PKIG: variants seen among roughly 807,000 people sequenced by gnomAD.
PKIG encodes cAMP-dependent protein kinase inhibitor gamma.
PKIG carries 1 observed loss-of-function variant against 6.8 expected under a neutral mutation model. The ratio of observed to expected loss-of-function variants is 0.15; its 90% confidence interval spans 0.05 to 0.69. PKIG has a LOEUF of 0.69. PKIG is among the 30% of genes least tolerant of loss of function. The pLI is 0.82. For synonymous variants in PKIG, 39 were observed against 43.0 expected (o/e 0.91, Z 0.36); for missense variants, 77 against 104.0 (o/e 0.74, Z 1.13).
chr20:44,573,144 C>T (rs964885077), intron 1 of PKIG, among the ~76,000 whole-genome samples: 1 of 152,256 alleles, frequency 6.6e-6, no homozygotes, highest in African/African-American at 2.4e-5. Context: ...AACTCATCTG[C>T]TCTGTGCCAG....
chr20:44,551,734 G>A (rs2064670627), intron 1 of PKIG, among the ~76,000 whole-genome samples: 1 of 152,196 alleles, frequency 6.6e-6, no homozygotes, highest in South Asian at 2.1e-4. Context: ...AGGAGCTATA[G>A]GTTAAATTAA....
In PKIG at chr20:44,607,359, GTA is replaced by G. The variant is rs1265371034; in HGVS notation, c.-23-7157_-23-7156del. Among the ~76,000 whole-genome samples the G allele has an allele frequency of 6.6e-3, 852 of 128,912 alleles. 28 individuals are homozygous for G. Among genetic ancestry groups the G allele is most frequent in the Middle Eastern group, 0.016 (4 of 256 alleles). 84.6% of individuals were successfully genotyped at this position (128,912 alleles called of 152,430 possible). Reference sequence around the variant, plus strand: ...TGTGTGTGTATATGTGTGTGTGTGTGTATATATATATATATATATTTTTTTTT... The same window carrying G: ...TGTGTGTGTATATGTGTGTGTGTGTGTATATATATATATATATTTTTTTTT... On this transcript the variant is annotated intron_variant, in intron 2 of 3. Transcript: ENST00000372886.
intron 1 of PKIG, among the ~76,000 whole-genome samples, chr20:44,555,477 A>G (rs2064704980): frequency 6.6e-6 from 1 of 152,164 alleles, no homozygotes; most frequent in Admixed American, 6.5e-5. Context: ...TAAATATCCA[A>G]ACTACCATGT....
intron 1 of PKIG, among the ~76,000 whole-genome samples, chr20:44,563,561 G>A (rs559912256): frequency 2.7e-4 from 41 of 152,182 alleles, no homozygotes; most frequent in Admixed American, 1.3e-3. Context: ...ACAGGATCTT[G>A]CTCTCTTGCC....
rs1462077427 is a variant in PKIG, at chr20:44,553,866, A to G, written c.-241+21888A>G. On this transcript the variant is annotated intron_variant, in intron 1 of 4. Transcript: ENST00000372887. ...GGTGAGTAGGCATTAACTAGGAGAA[A>G]AGGGTTAGTTAGGGGAATGTGGGGT... Among the ~76,000 whole-genome samples the G allele has an allele frequency of 2.6e-5, 4 of 151,818 alleles. 1 individual carries two copies. Among genetic ancestry groups the G allele is most frequent in the Admixed American group, 2.0e-4 (3 of 15,226 alleles).
chr20:44,542,622 T>C (rs1004019191), intron 1 of PKIG, among the ~76,000 whole-genome samples: 1 of 152,276 alleles, frequency 6.6e-6, no homozygotes, highest in African/African-American at 2.4e-5. Flanking sequence ...AGTCTAGCTC[T>C]GTCTCCCAGG....
At position 44,614,564 on chromosome 20, in the gene PKIG, A is replaced by G. The variant is rs2065246485; in HGVS notation, c.8A>G (p.Glu3Gly). 1 of 1,613,840 alleles carries G rather than the reference A, an allele frequency of 6.2e-7. No homozygotes were observed. Among genetic ancestry groups the G allele is most frequent in the African/African-American group, 1.3e-5 (1 of 74,904 alleles). The change falls in exon 3 of 4, where the codon GAG becomes GGG. Residue 3 changes from glutamate (E) to glycine (G), a missense_variant. Coordinates refer to ENST00000372886, the MANE Select transcript of PKIG (RefSeq NM_001281445.2). The surrounding 1 kb of genome is among the most constrained non-coding windows in gnomAD (Gnocchi z 4.6). The stretch of plus-strand genomic sequence containing the variant: ...AGGAGCGATGCGACAGGCATGATGG[A>G]GGTCGAGTCCTCCTACTCGGACTTC... MMEVESSYSDFIS... is the reference protein window; with the variant it reads MMGVESSYSDFIS...
intron 2 of PKIG, among the ~76,000 whole-genome samples, chr20:44,595,119 C>G (rs2065064458): frequency 6.6e-6 from 1 of 152,210 alleles, no homozygotes; most frequent in African/African-American, 2.4e-5. Flanking sequence ...AGCCTCCAAA[C>G]CTTAAGAATG....
intron 1 of PKIG, among the ~76,000 whole-genome samples, chr20:44,553,629 T>C (rs1294036508): frequency 1.3e-5 from 2 of 152,212 alleles, no homozygotes; most frequent in Non-Finnish European, 2.9e-5. Context: ...ACTGATCATC[T>C]GTGATATACT....
At chr20:44,550,622 G>T (rs1302445555) in intron 1 of PKIG, among the ~76,000 whole-genome samples, 1 of 152,114 alleles carries the variant, frequency 6.6e-6, no homozygotes, top group Non-Finnish European at 1.5e-5. Context: ...GCTTTCCCAG[G>T]CGTTTTTGTG....
At chr20:44,535,378 C>G (rs1215566730) in intron 1 of PKIG, among the ~76,000 whole-genome samples, 1 of 152,164 alleles carries the variant, frequency 6.6e-6, no homozygotes, top group Non-Finnish European at 1.5e-5. Flanking sequence ...CGGTGGCTTA[C>G]GCCTGTAATC....
intron 1 of PKIG, among the ~76,000 whole-genome samples, chr20:44,563,645 G>A (rs777383009): frequency 5.3e-5 from 8 of 151,950 alleles, no homozygotes; most frequent in Non-Finnish European, 8.8e-5. Context: ...TCCTCCTACC[G>A]CAGCCTCCTG....
At chr20:44,577,586 A>G (rs1288377946), upstream of PKIG, among the ~76,000 whole-genome samples, 1 of 152,204 alleles carries the variant, frequency 6.6e-6, no homozygotes, top group Non-Finnish European at 1.5e-5. Flanking sequence ...AATTGGAAGA[A>G]AACAAAATCT....
intron 1 of PKIG, among the ~76,000 whole-genome samples, chr20:44,543,263 C>A (rs1403023487): frequency 4.0e-5 from 6 of 151,746 alleles, no homozygotes; most frequent in African/African-American, 1.5e-4. Flanking sequence ...TAAATGTCAG[C>A]TGTTATGTTT....
intron 1 of PKIG, among the ~76,000 whole-genome samples, chr20:44,558,109 A>G (rs1213263039): frequency 3.3e-5 from 5 of 152,066 alleles, no homozygotes; most frequent in Non-Finnish European, 7.3e-5. Context: ...ATCCCTTTCC[A>G]TACTGTAAAT....
intron 1 of PKIG, among the ~76,000 whole-genome samples, chr20:44,589,167 A>C (rs2065014632): frequency 6.6e-6 from 1 of 152,014 alleles, no homozygotes; most frequent in African/African-American, 2.4e-5. Context: ...TTTTCTAAAC[A>C]TAAATAATCA....
chr20:44,604,411 G>A (rs181393601), intron 2 of PKIG, among the ~76,000 whole-genome samples: 33 of 152,300 alleles, frequency 2.2e-4, no homozygotes, highest in African/African-American at 5.8e-4. Flanking sequence ...TGAGGGGATC[G>A]ACATTGAAAT....
At chr20:44,611,740 C>T (rs1417315187) in intron 2 of PKIG, among the ~76,000 whole-genome samples, 2 of 149,258 alleles carry the variant, frequency 1.3e-5, no homozygotes, top group Admixed American at 6.6e-5. Flanking sequence ...AGGATGGTCT[C>T]GATCTCCTGA....
intron 2 of PKIG, among the ~76,000 whole-genome samples, chr20:44,601,404 C>T (rs548344151): frequency 6.6e-6 from 1 of 152,362 alleles, no homozygotes; most frequent in South Asian, 2.1e-4. Context: ...CCCCAAGGCG[C>T]TGGGTAGGGC....
Sources: gnomAD v4.1 joint callset for allele counts (sites outside exome capture counted in the v4.1 genomes callset) on GRCh38, gnomAD v4.1.1 for gene constraint, Gnocchi (gnomAD v3.1) non-coding constraint, MANE v1.5 for transcripts, NCBI Gene and HGNC (gene_info 2026-07-23, HGNC 2026-07-21) for gene names.